The following TOX variants were observed in gnomAD, a reference collection of about 807,000 sequenced individuals.
TOX encodes the protein thymocyte selection-associated high mobility group box protein TOX.
Under a neutral mutation model 53.7 loss-of-function variants are expected in TOX, and 11 were observed. The ratio of observed to expected loss-of-function variants is 0.20; its 90% CI spans 0.13 to 0.34. TOX has a LOEUF of 0.34. Among genes scored for constraint, TOX ranks in the 10% least tolerant of loss-of-function variants. TOX has a pLI of 1.00. For synonymous variants in TOX, 225 were observed against 245.3 expected, an observed-to-expected ratio of 0.92 and a Z score of 0.77; for missense variants, 570 against 664.6, an observed-to-expected ratio of 0.86 and a Z score of 1.56.
intron 1 of TOX, among the ~76,000 whole-genome samples, chr8:58,974,631 C>T (rs1813058484): frequency 6.6e-6 from 1 of 151,810 alleles, no homozygotes; most frequent in Non-Finnish European, 1.5e-5. Context: ...TAAACATACA[C>T]TGTATTACAC....
rs150398634 is a variant in TOX, at chr8:58,894,304, C to T, written c.412-42499G>A. Among the ~76,000 whole-genome samples, 852 of 152,260 alleles carry T rather than the reference C, an allele frequency of 5.6e-3. 8 individuals carry two copies. The highest frequency in any genetic ancestry group is 0.019 in the African/African-American group (796 of 41,552). ...GTGGTGTTTAGTTCTCAAAACAGCT[C>T]AGCGGGAAAGGTTCTATTATCCTCC... On this transcript the variant is annotated intron_variant, in intron 3 of 8. Transcript: ENST00000361421.
At chr8:58,912,102 G>A (rs1811919452) in intron 3 of TOX, among the ~76,000 whole-genome samples, 4 of 152,092 alleles carry the variant, frequency 2.6e-5, no homozygotes, top group Admixed American at 2.0e-4. Context: ...AATGGACTTT[G>A]GTTTTATTGT....
At chr8:59,071,013 A>G (rs995902045) in intron 1 of TOX, among the ~76,000 whole-genome samples, 1 of 152,228 alleles carries the variant, frequency 6.6e-6, no homozygotes, top group African/African-American at 2.4e-5. Context: ...TCAGACAGAG[A>G]GTGCACCTAC....
chr8:59,090,179 T>C (rs1248021841), intron 1 of TOX, among the ~76,000 whole-genome samples: 3 of 152,226 alleles, frequency 2.0e-5, no homozygotes, highest in South Asian at 2.1e-4. Context: ...GTGAATGCAG[T>C]GATGTTTTAT....
chr8:59,085,217 T>C (rs1301703156), intron 1 of TOX, among the ~76,000 whole-genome samples: 1 of 152,220 alleles, frequency 6.6e-6, no homozygotes, highest in Non-Finnish European at 1.5e-5. Flanking sequence ...GAATGAAAAA[T>C]AATCAGTCAC....
chr8:59,064,375 C>T (rs1804049835), intron 1 of TOX, among the ~76,000 whole-genome samples: 1 of 152,170 alleles, frequency 6.6e-6, no homozygotes, highest in African/African-American at 2.4e-5. Context: ...TCACTTTAAG[C>T]AATTTTACCC....
intron 3 of TOX, among the ~76,000 whole-genome samples, chr8:58,861,745 G>A (rs755421814): frequency 6.6e-5 from 10 of 152,154 alleles, no homozygotes; most frequent in Non-Finnish European, 1.5e-4. Context: ...TAGCAAGAAT[G>A]CTTCTTCACA....
intron 1 of TOX, among the ~76,000 whole-genome samples, chr8:59,022,232 GT>G (rs1200496811): frequency 2.0e-5 from 3 of 152,094 alleles, no homozygotes; most frequent in Non-Finnish European, 4.4e-5. Flanking sequence ...AGTTTGGTGA[GT>G]TTTGTGAATT....
intron 3 of TOX, among the ~76,000 whole-genome samples, chr8:58,914,871 G>A (rs1291747031): frequency 2.0e-5 from 3 of 152,000 alleles, no homozygotes; most frequent in South Asian, 2.1e-4. Flanking sequence ...GAAGCAGGGC[G>A]AGGCATTGCC....
At chr8:58,938,309 A>G (rs1370227498) in intron 3 of TOX, among the ~76,000 whole-genome samples, 1 of 152,228 alleles carries the variant, frequency 6.6e-6, no homozygotes, top group Non-Finnish European at 1.5e-5. Context: ...GTGTTTTTTA[A>G]TATTGGCAAG....
chr8:58,857,696 C>G (rs1171214197), intron 3 of TOX, among the ~76,000 whole-genome samples: 1 of 152,156 alleles, frequency 6.6e-6, no homozygotes, highest in Middle Eastern at 3.2e-3. Flanking sequence ...GGACAGAGCT[C>G]AAGGTGCAAA....
chr8:59,101,170 A>T (rs761212532), intron 1 of TOX, among the ~76,000 whole-genome samples: 1 of 152,212 alleles, frequency 6.6e-6, no homozygotes, highest in Non-Finnish European at 1.5e-5. Context: ...ATTTAGGTCA[A>T]ATATTAAAGT....
chr8:58,891,727 T>C (rs1811563977), intron 3 of TOX, among the ~76,000 whole-genome samples: 1 of 152,212 alleles, frequency 6.6e-6, no homozygotes, highest in Non-Finnish European at 1.5e-5. Flanking sequence ...GCTGAGCGCT[T>C]AGAGAGACTG....
chr8:58,870,863 AT>A (rs535609501), intron 3 of TOX, among the ~76,000 whole-genome samples: 113 of 152,244 alleles, frequency 7.4e-4, no homozygotes, highest in African/African-American at 2.5e-3. Flanking sequence ...AGAAAGAAAA[AT>A]AAAAAAGTAG....
intron 4 of TOX, among the ~76,000 whole-genome samples, chr8:58,842,319 GACAGA>G (rs1810658853): frequency 1.3e-5 from 2 of 152,008 alleles, no homozygotes; most frequent in Admixed American, 6.5e-5. Context: ...GAACAAAAAA[GACAGA>G]AAAAAGACAA....
chr8:58,962,572 A>T (rs935320894), intron 1 of TOX, among the ~76,000 whole-genome samples: 16 of 152,202 alleles, frequency 1.1e-4, no homozygotes, highest in African/African-American at 3.9e-4. Flanking sequence ...ATATATTCTG[A>T]ATCATAATGA....
chr8:58,950,457 C>A (rs1264530741), intron 2 of TOX, among the ~76,000 whole-genome samples: 10 of 152,168 alleles, frequency 6.6e-5, no homozygotes, highest in Middle Eastern at 3.2e-3. Flanking sequence ...GCTCCCATTT[C>A]TACTCATCAC....
chr8:59,085,490 G>A (rs894070711), intron 1 of TOX, among the ~76,000 whole-genome samples: 1 of 152,072 alleles, frequency 6.6e-6, no homozygotes, highest in African/African-American at 2.4e-5. Flanking sequence ...CCAGGCTCAA[G>A]TGATCCTCCT....
Position 59,118,265 on chromosome 8 carries a change from C to T in TOX, c.102+621G>A, listed in dbSNP as rs1175948881. On this transcript the variant is annotated intron_variant, in intron 1 of 8. Transcript: ENST00000361421. The surrounding 1 kb of genome is among the most constrained non-coding windows in gnomAD (Gnocchi z 4.1). ...CTTAAACAGGAACTGTTCCCCAAAC[C>T]TTGACCCAGCTACCCCGCTGTGCTC... is the stretch of plus-strand genomic sequence containing the variant. 1.3e-5 allele frequency among the ~76,000 whole-genome samples: 2 copies of T among 152,254 alleles called. No individual in the cohort carries two copies. Among genetic ancestry groups the T allele is most frequent in the Non-Finnish European group, 2.9e-5 (2 of 68,050 alleles).
Sources: gnomAD v4.1 joint callset for allele counts (sites outside exome capture counted in the v4.1 genomes callset) on GRCh38, gnomAD v4.1.1 for gene constraint, Gnocchi (gnomAD v3.1) non-coding constraint, MANE v1.5 for transcripts, NCBI Gene and HGNC (gene_info 2026-07-23, HGNC 2026-07-21) for gene names.